PLA2G12B: variants seen among roughly 807,000 people sequenced by gnomAD.
PLA2G12B encodes the protein group XIIB secretory phospholipase A2-like protein.
PLA2G12B carries 19 observed loss-of-function variants against 22.3 expected under a neutral mutation model. That is an observed-to-expected ratio of 0.85 (90% CI 0.60 to 1.25). The LOEUF (loss-of-function observed/expected upper bound fraction) is 1.25, where lower values mean the gene tolerates loss of function less well. Among genes scored for constraint, PLA2G12B ranks in the 50% most tolerant of loss-of-function variants. PLA2G12B has a pLI of 0.00. For missense variants in PLA2G12B, 191 were observed against 246.6 expected (o/e 0.77, Z 1.51); for synonymous variants, 81 against 94.9 (o/e 0.85, Z 0.85).
chr10:72,941,079 T>A, intron 3 of PLA2G12B, 90 bp downstream of exon 3: 1 of 1,345,296 alleles, frequency 7.4e-7, no homozygotes, highest in Non-Finnish European at 1.0e-6. Flanking sequence ...GCTCTGATGA[T>A]CTCTTCGAGT....
chr10:72,942,258 CAA>C (rs1464162512), intron 2 of PLA2G12B, among the ~76,000 whole-genome samples: 1 of 151,694 alleles, frequency 6.6e-6, no homozygotes, highest in Non-Finnish European at 1.5e-5. Context: ...CAGCTGCTTG[CAA>C]AAGTCATGAC....
intron 2 of PLA2G12B, among the ~76,000 whole-genome samples, chr10:72,942,412 A>G (rs1003659168): frequency 6.6e-6 from 1 of 152,064 alleles, no homozygotes; most frequent in Non-Finnish European, 1.5e-5. Flanking sequence ...CTCAGCTGAC[A>G]TTTTCAGTGG....
intron 3 of PLA2G12B, among the ~76,000 whole-genome samples, chr10:72,937,467 A>G (rs1048332699): frequency 2.6e-5 from 4 of 152,208 alleles, no homozygotes; most frequent in African/African-American, 9.7e-5. Context: ...TTTACCAAAC[A>G]TTTAAAGAAT....
chr10:72,938,588 A>T (rs1227966651), intron 3 of PLA2G12B, among the ~76,000 whole-genome samples: 1 of 152,236 alleles, frequency 6.6e-6, no homozygotes, highest in Non-Finnish European at 1.5e-5. Context: ...TTTCAATAAC[A>T]TTAAAAAGAA....
At chr10:72,950,028 T>C (rs1165030068) in intron 1 of PLA2G12B, among the ~76,000 whole-genome samples, 1 of 152,030 alleles carries the variant, frequency 6.6e-6, no homozygotes, top group Non-Finnish European at 1.5e-5. Context: ...TATGTCCTCC[T>C]TCCTCCCAGA....
chr10:72,947,991 C>G (rs914440578), intron 1 of PLA2G12B, among the ~76,000 whole-genome samples: 11 of 152,216 alleles, frequency 7.2e-5, no homozygotes, highest in African/African-American at 2.7e-4. Flanking sequence ...TCTCCTGCCT[C>G]AGCCTCCTGA....
At chr10:72,951,258 C>T (rs1403181116) in intron 1 of PLA2G12B, among the ~76,000 whole-genome samples, 1 of 152,076 alleles carries the variant, frequency 6.6e-6, no homozygotes, top group Non-Finnish European at 1.5e-5. Flanking sequence ...GGGATATTTT[C>T]TCCTAAATTC....
At chr10:72,942,118 T>C (rs1012169055) in intron 2 of PLA2G12B, among the ~76,000 whole-genome samples, 9 of 149,400 alleles carry the variant, frequency 6.0e-5, no homozygotes, top group African/African-American at 2.2e-4. Context: ...ACCCCATTTC[T>C]ACTAAAAATA....
chr10:72,942,616 C>A, intron 2 of PLA2G12B, 36 bp downstream of exon 2: 1 of 1,513,396 alleles, frequency 6.6e-7, no homozygotes, highest in Non-Finnish European at 9.0e-7. Context: ...TCAGTCAAAA[C>A]CAACCAACCA....
intron 3 of PLA2G12B, among the ~76,000 whole-genome samples, chr10:72,938,939 C>T (rs113202671): frequency 2.6e-5 from 4 of 152,322 alleles, no homozygotes; most frequent in African/African-American, 7.2e-5. Context: ...CAGTAACAGG[C>T]AGCATGGTCC....
At chr10:72,953,360 TAGAG>T (rs937388082) in intron 1 of PLA2G12B, among the ~76,000 whole-genome samples, 1 of 152,198 alleles carries the variant, frequency 6.6e-6, no homozygotes, top group Non-Finnish European at 1.5e-5. Context: ...CAAAAAGGAA[TAGAG>T]AGACTTAAGG....
chr10:72,954,543 C>CTAT lies in PLA2G12B; in HGVS notation c.140_142dup (p.Asn47dup), dbSNP rs1220279927. ...CAGCTCCAGAAAAGAATCGAAGTAG[C>CTAT]TATTGACGGATTCAAAGCTTCCCCG... On this transcript the variant is annotated inframe_insertion, in exon 1 of 4. Coordinates refer to ENST00000373032, the MANE Select transcript of PLA2G12B (RefSeq NM_032562.5). The CTAT allele has an allele frequency of 6.2e-7, 1 of 1,614,214 alleles. No individual in the cohort carries two copies. Among genetic ancestry groups the CTAT allele is most frequent in the Admixed American group, 1.7e-5 (1 of 60,036 alleles).
At chr10:72,937,229 G>C (rs561466116) in intron 3 of PLA2G12B, among the ~76,000 whole-genome samples, 15 of 152,020 alleles carry the variant, frequency 9.9e-5, no homozygotes, top group Non-Finnish European at 2.2e-4. Flanking sequence ...AAAATAAAAA[G>C]GATTATAAGG....
At chr10:72,939,249 G>A (rs1294720245) in intron 3 of PLA2G12B, among the ~76,000 whole-genome samples, 1 of 152,168 alleles carries the variant, frequency 6.6e-6, no homozygotes, top group Non-Finnish European at 1.5e-5. Context: ...TAATAAATCT[G>A]TTTCAACAAC....
chr10:72,949,845 G>A (rs1038427543), intron 1 of PLA2G12B, among the ~76,000 whole-genome samples: 11 of 152,070 alleles, frequency 7.2e-5, no homozygotes, highest in Non-Finnish European at 8.8e-5. Context: ...GCGTGGTGGC[G>A]CATGCCTGTA....
Position 72,954,625 on chromosome 10 carries a change from T to C in PLA2G12B, c.61A>G (p.Ser21Gly), listed in dbSNP as rs1480517950. The C allele has an allele frequency of 4.3e-6, 7 of 1,614,116 alleles. No individual in the cohort carries two copies. Among genetic ancestry groups the C allele is most frequent in the Non-Finnish European group, 5.9e-6 (7 of 1,180,022 alleles). Residue 21 changes from serine to glycine, a missense_variant, in exon 1 of 4, where the codon AGC becomes GGC. By Grantham distance (56) the Ser-to-Gly change is moderately conservative (BLOSUM62 0). Transcript: ENST00000373032. ...TCCTCCGTGTCAGGGCTCGTGTCGC[T>C]CTGAGCCAGGCCACCCCCAAGGCTG... ...WLSLGGGLAQ[S>G]DTSPDTEESY...
Position 72,934,954 on chromosome 10 carries a change from A to G in PLA2G12B, c.*663T>C, listed in dbSNP as rs1436533717. ...TAGTAACTGGGAATACCAATGGGGT[A>G]GGTCACCGGAGGGAAAAATGAATCC... is the stretch of plus-strand genomic sequence containing the variant. On this transcript the variant is annotated 3_prime_UTR_variant, in exon 4 of 4. Transcript: ENST00000373032. Among the ~76,000 whole-genome samples the G allele has an allele frequency of 6.6e-6, 1 of 152,194 alleles. No homozygotes were observed. The highest frequency in any genetic ancestry group is 2.4e-5 in the African/African-American group (1 of 41,450).
At chr10:72,935,797 C>T (rs1048787413) in intron 3 of PLA2G12B, 59 bp from the exon 4 acceptor site, 3 of 1,569,962 alleles carry the variant, frequency 1.9e-6, no homozygotes, top group Admixed American at 3.5e-5. Context: ...AAGAGTATTT[C>T]CAGGCATGAC....
At chr10:72,938,765 C>T (rs955563131) in intron 3 of PLA2G12B, among the ~76,000 whole-genome samples, 5 of 152,142 alleles carry the variant, frequency 3.3e-5, no homozygotes, top group Non-Finnish European at 5.9e-5. Context: ...ATAGATTCAA[C>T]CATAACCCTC....
Sources: gnomAD v4.1 joint callset for allele counts (sites outside exome capture counted in the v4.1 genomes callset) on GRCh38, gnomAD v4.1.1 for gene constraint, MANE v1.5 for transcripts, NCBI Gene and HGNC (gene_info 2026-07-23, HGNC 2026-07-21) for gene names.